Variants in ERCC6L2 observed in about 807,000 individuals in gnomAD.
ERCC6L2 encodes ERCC excision repair 6 like 2.
Under a neutral mutation model 132.0 loss-of-function variants are expected in ERCC6L2, and 77 were observed. That is an observed-to-expected ratio of 0.58 (90% CI 0.49 to 0.71). The LOEUF (loss-of-function observed/expected upper bound fraction) is 0.71. Among genes scored for constraint, ERCC6L2 ranks in the 30% least tolerant of loss-of-function variants. The pLI, the probability that ERCC6L2 is intolerant of heterozygous loss-of-function variation, is 0.00. For synonymous variants in ERCC6L2, 583 were observed against 632.4 expected (o/e 0.92, Z 1.17); for missense variants, 1,542 against 1,837.6 (o/e 0.84, Z 2.94).
chr9:95,931,868 C>CT (rs1830354119), intron 11 of ERCC6L2, among the ~76,000 whole-genome samples: 1 of 151,168 alleles, frequency 6.6e-6, no homozygotes, highest in African/African-American at 2.4e-5. Flanking sequence ...CTGGAAAATG[C>CT]TTTTTTATTA....
intron 19 of ERCC6L2, among the ~76,000 whole-genome samples, chr9:96,026,638 C>T (rs1293168687): frequency 6.9e-6 from 1 of 144,036 alleles, no homozygotes; most frequent in East Asian, 2.1e-4. Flanking sequence ...ACACCACACA[C>T]ACAAACACAC....
intron 12 of ERCC6L2, among the ~76,000 whole-genome samples, chr9:95,955,304 G>C (rs1831545169): frequency 6.6e-6 from 1 of 152,130 alleles, no homozygotes; most frequent in Non-Finnish European, 1.5e-5. Flanking sequence ...TTTTTGCTAA[G>C]TTGTGGTTTT....
intron 13 of ERCC6L2, 24 bp downstream of exon 13, chr9:95,956,037 T>G (rs778933695): frequency 1.4e-6 from 2 of 1,393,088 alleles, no homozygotes; most frequent in Non-Finnish European, 2.0e-6. Flanking sequence ...CCTTTTTCTG[T>G]TTCAGAGGTC....
chr9:96,035,362 C>A (rs1002683118), intron 19 of ERCC6L2, among the ~76,000 whole-genome samples: 1 of 152,198 alleles, frequency 6.6e-6, no homozygotes, highest in African/African-American at 2.4e-5. Flanking sequence ...TGCCCATGGA[C>A]CAACTGGCAG....
At chr9:95,926,375 A>G (rs757719689) in intron 9 of ERCC6L2, among the ~76,000 whole-genome samples, 2 of 152,188 alleles carry the variant, frequency 1.3e-5, no homozygotes, top group Non-Finnish European at 2.9e-5. Context: ...GGAAACAACT[A>G]AGATGTCCTT....
chr9:95,939,305 A>T (rs1311102433), intron 11 of ERCC6L2, among the ~76,000 whole-genome samples: 2 of 149,808 alleles, frequency 1.3e-5, no homozygotes, highest in African/African-American at 2.5e-5. Flanking sequence ...TTCCTTATGA[A>T]CTTTCTAGCC....
downstream of ERCC6L2, among the ~76,000 whole-genome samples, chr9:96,023,106 C>G (rs1229584175): frequency 6.6e-6 from 1 of 152,070 alleles, no homozygotes; most frequent in Non-Finnish European, 1.5e-5. Flanking sequence ...TTCCAGGACC[C>G]AGAAATGACA....
At chr9:96,028,703 A>G (rs1402421727) in intron 19 of ERCC6L2, among the ~76,000 whole-genome samples, 1 of 152,216 alleles carries the variant, frequency 6.6e-6, no homozygotes, top group Non-Finnish European at 1.5e-5. Flanking sequence ...CAGGTTGTCC[A>G]GAGGAAGTTC....
chr9:95,904,323 A>G (rs1471182682), intron 3 of ERCC6L2, among the ~76,000 whole-genome samples: 2 of 152,072 alleles, frequency 1.3e-5, no homozygotes, highest in African/African-American at 4.8e-5. Flanking sequence ...ATTATTCCGA[A>G]CTTAGCATTG....
At chr9:95,952,584 G>T (rs766119467) in intron 12 of ERCC6L2, among the ~76,000 whole-genome samples, 1 of 152,052 alleles carries the variant, frequency 6.6e-6, no homozygotes, top group African/African-American at 2.4e-5. Flanking sequence ...AAAAATAAAA[G>T]GAAACAAGCC....
intron 7 of ERCC6L2, among the ~76,000 whole-genome samples, chr9:95,921,682 G>C (rs1223564022): frequency 2.6e-5 from 4 of 152,084 alleles, no homozygotes; most frequent in African/African-American, 9.7e-5. Context: ...ATACTATTCT[G>C]ATGTTAGATA....
At chr9:95,895,852 G>A (rs534141724) in intron 2 of ERCC6L2, among the ~76,000 whole-genome samples, 5 of 150,842 alleles carry the variant, frequency 3.3e-5, no homozygotes, top group Admixed American at 2.0e-4. Flanking sequence ...TCAGCCTCCC[G>A]AATAGCTGGG....
At chr9:95,969,244 A>G (rs1166718947) in intron 14 of ERCC6L2, among the ~76,000 whole-genome samples, 1 of 152,172 alleles carries the variant, frequency 6.6e-6, no homozygotes, top group East Asian at 1.9e-4. Context: ...ACAAAAAGCA[A>G]TTAGAGGGTT....
At position 95,923,272 on chromosome 9, in the gene ERCC6L2, A is replaced by C. The variant is rs1355228959; in HGVS notation, c.1426A>C (p.Lys476Gln). Reference sequence around the variant, plus strand: ...TTTTCCCTTCAAGGAAACACTTATCAAAAGGATATGTGATCAGGTATTTTC... The same window carrying C: ...TTTTCCCTTCAAGGAAACACTTATCCAAAGGATATGTGATCAGGTATTTTC... ...STSKQQETLI[K>Q]RICDQVFSRF... is the part of the protein sequence containing the mutation. Residue 476 changes from lysine (K) to glutamine (Q), a missense_variant, in exon 9 of 19, where the codon AAA becomes CAA. By Grantham distance (53) the Lys-to-Gln change is moderately conservative. This residue lies in a region of ERCC6L2 where 945 missense variants were observed against 1,105.2 expected (regional missense o/e 0.86). Transcript: ENST00000653738. 2.5e-6 allele frequency: 4 copies of C among 1,613,466 alleles called. No individual in the cohort carries two copies. The highest frequency in any genetic ancestry group is 3.4e-6 in the Non-Finnish European group (4 of 1,179,630).
chr9:96,030,037 G>A (rs1588068362), intron 19 of ERCC6L2, among the ~76,000 whole-genome samples: 1 of 152,216 alleles, frequency 6.6e-6, no homozygotes, highest in Non-Finnish European at 1.5e-5. Context: ...TGGACCTCCT[G>A]GGTCGAGTGG....
intron 10 of ERCC6L2, 56 bp from the exon 11 acceptor site, chr9:95,928,663 T>C: frequency 6.7e-7 from 1 of 1,489,344 alleles, no homozygotes; most frequent in Non-Finnish European, 9.0e-7. Context: ...TTTGTAATGG[T>C]CTGAAACTTA....
intron 18 of ERCC6L2, among the ~76,000 whole-genome samples, chr9:96,011,861 C>G (rs1834035929): frequency 6.6e-6 from 1 of 152,156 alleles, no homozygotes; most frequent in African/African-American, 2.4e-5. Flanking sequence ...GACTTGAATA[C>G]AATATAGATT....
chr9:95,978,416 A>G (rs1426878500), intron 17 of ERCC6L2, among the ~76,000 whole-genome samples: 1 of 152,186 alleles, frequency 6.6e-6, no homozygotes, highest in East Asian at 1.9e-4. Context: ...TTATACCCAA[A>G]TACCTAATCA....
chr9:95,879,582 C>T (rs562181662), intron 1 of ERCC6L2, among the ~76,000 whole-genome samples: 2 of 152,290 alleles, frequency 1.3e-5, no homozygotes, highest in South Asian at 4.1e-4. Flanking sequence ...CATTAAAACA[C>T]TCTTTTAGAA....
Sources: allele counts gnomAD v4.1 joint callset (sites outside exome capture counted in the v4.1 genomes callset), GRCh38; gene constraint gnomAD v4.1.1; regional missense constraint gnomAD v4.1.1; transcripts MANE v1.5; gene names NCBI Gene and HGNC (gene_info 2026-07-23, HGNC 2026-07-21).